TMEM131: variants seen among roughly 807,000 people sequenced by gnomAD.
TMEM131 encodes 2610524E03Rik.
A neutral mutation model predicts 211.6 loss-of-function variants in TMEM131; 66 were observed. The ratio of observed to expected loss-of-function variants is 0.31; its 90% confidence interval spans 0.26 to 0.38. The LOEUF is 0.38. Among genes scored for constraint, TMEM131 ranks in the 10% least tolerant of loss-of-function variants. The pLI is 1.00. For synonymous variants in TMEM131, 844 were observed against 841.3 expected, an observed-to-expected ratio of 1.00 and a Z score of -0.06; for missense variants, 2,036 against 2,299.3, an observed-to-expected ratio of 0.89 and a Z score of 2.34.
intron 25 of TMEM131, among the ~76,000 whole-genome samples, chr2:97,798,090 C>T (rs113238113): frequency 0.018 from 2,738 of 152,376 alleles, 32 homozygotes; most frequent in Admixed American, 0.028. Context: ...CTATACATTT[C>T]TCCTTGAATC....
intron 5 of TMEM131, among the ~76,000 whole-genome samples, chr2:97,856,215 A>G (rs1379903100): frequency 6.6e-6 from 1 of 152,126 alleles, no homozygotes; most frequent in East Asian, 1.9e-4. Context: ...TGGCCTATAT[A>G]TAATATGGCC....
intron 4 of TMEM131, among the ~76,000 whole-genome samples, chr2:97,863,634 G>A (rs1472011523): frequency 6.6e-6 from 1 of 152,130 alleles, no homozygotes. Flanking sequence ...AAATGACAAA[G>A]AGGTATATAA....
At chr2:97,982,181 C>T (rs1447828809) in intron 1 of TMEM131, among the ~76,000 whole-genome samples, 1 of 152,184 alleles carries the variant, frequency 6.6e-6, no homozygotes, top group Non-Finnish European at 1.5e-5. Flanking sequence ...CGCACCCTTG[C>T]CAACATTTAT....
At chr2:97,877,829 T>C (rs969812230) in intron 4 of TMEM131, among the ~76,000 whole-genome samples, 9 of 152,112 alleles carry the variant, frequency 5.9e-5, no homozygotes, top group Non-Finnish European at 1.0e-4. Context: ...CCAAAAGCAA[T>C]GGCAACAAAA....
intron 3 of TMEM131, among the ~76,000 whole-genome samples, chr2:97,892,351 AATG>A (rs1196928284): frequency 5.3e-5 from 8 of 151,968 alleles, no homozygotes; most frequent in African/African-American, 9.7e-5. Context: ...ATGAGGTCGA[AATG>A]ATGATCATTT....
intron 19 of TMEM131, 88 bp downstream of exon 19, chr2:97,809,600 T>G (rs1379341688): frequency 2.3e-6 from 2 of 877,564 alleles, no homozygotes; most frequent in Admixed American, 4.3e-5. Context: ...AAAGAATAAC[T>G]GACTTTACTC....
At chr2:97,802,879 G>T in intron 22 of TMEM131, 89 bp from the exon 23 acceptor site, 1 of 1,169,488 alleles carries the variant, frequency 8.6e-7, no homozygotes, top group South Asian at 1.7e-5. Context: ...ATGTACTTGA[G>T]AAATTTTTTG....
intron 1 of TMEM131, among the ~76,000 whole-genome samples, chr2:97,937,261 TA>T (rs1457554543): frequency 3.9e-5 from 6 of 152,040 alleles, no homozygotes; most frequent in African/African-American, 1.4e-4. Flanking sequence ...ATTCTGGACA[TA>T]AAAGTACAAT....
chr2:97,797,309 T>G, intron 26 of TMEM131, 56 bp downstream of exon 26: 1 of 1,453,060 alleles, frequency 6.9e-7, no homozygotes, highest in Non-Finnish European at 9.3e-7. Flanking sequence ...TTAAAACAAG[T>G]GAGGACTTCT....
At chr2:97,933,590 A>G (rs1356410538) in intron 1 of TMEM131, among the ~76,000 whole-genome samples, 1 of 152,150 alleles carries the variant, frequency 6.6e-6, no homozygotes, top group Non-Finnish European at 1.5e-5. Context: ...AAATAGTTAT[A>G]AATGCTGAAT....
Position 97,944,521 on chromosome 2 carries a change from G to A in TMEM131, c.188-17034C>T, listed in dbSNP as rs148145787. 1.2e-3 allele frequency among the ~76,000 whole-genome samples: 182 copies of A among 152,256 alleles called. 1 individual carries two copies. Among genetic ancestry groups the A allele is most frequent in the African/African-American group, 4.2e-3 (174 of 41,560 alleles). On this transcript the variant is annotated intron_variant, in intron 1 of 40. Transcript: ENST00000186436. ...CTTCAAAGGGCACTATCAATAAAGT[G>A]AAAAGACAACCCACAGGATGGGAGA...
At chr2:97,993,462 A>G (rs540010874) in intron 1 of TMEM131, among the ~76,000 whole-genome samples, 1 of 152,366 alleles carries the variant, frequency 6.6e-6, no homozygotes, top group South Asian at 2.1e-4. Flanking sequence ...CTGGAATATG[A>G]TCAGTTTTAA....
At chr2:97,987,016 C>A (rs748223787) in intron 1 of TMEM131, among the ~76,000 whole-genome samples, 1 of 152,206 alleles carries the variant, frequency 6.6e-6, no homozygotes, top group African/African-American at 2.4e-5. Context: ...CATGTAGGGC[C>A]CTTGCCATAC....
chr2:97,773,159 A>G (rs1272090510), intron 32 of TMEM131, among the ~76,000 whole-genome samples: 1 of 152,236 alleles, frequency 6.6e-6, no homozygotes, highest in African/African-American at 2.4e-5. Flanking sequence ...GCAGTGCGGC[A>G]GCCAAAGGGG....
chr2:97,837,704 CT>C (rs1362277942), intron 7 of TMEM131, among the ~76,000 whole-genome samples: 1 of 152,056 alleles, frequency 6.6e-6, no homozygotes, highest in African/African-American at 2.4e-5. Context: ...CCTAAGCTTA[CT>C]TTTTTTAAAC....
Position 97,814,099 on chromosome 2 carries a change from A to T in TMEM131, c.1489T>A (p.Ser497Thr), listed in dbSNP as rs762695479. The T allele has an allele frequency of 8.7e-6, 14 of 1,607,988 alleles. No homozygotes were observed. The highest frequency in any genetic ancestry group is 3.4e-5 in the Admixed American group (2 of 58,870). Residue 497 changes from serine (S) to threonine (T), a missense_variant, in exon 15 of 41, where the codon TCA (serine) becomes ACA (threonine). Around this residue, in one of 3 missense-constraint regions of TMEM131, gnomAD observed 1,623 missense variants for 1,805.9 expected, o/e 0.90. Transcript: ENST00000186436. ...SKPVLILPNESGYIFTLLFMP... is the reference protein window; with the variant it reads ...SKPVLILPNETGYIFTLLFMP... Reference sequence around the variant, plus strand: ...AAAAGCAGGGTAAAAATGTATCCTGATTCATTAGGAAGAATTAAGACTGGT... The same window carrying T: ...AAAAGCAGGGTAAAAATGTATCCTGTTTCATTAGGAAGAATTAAGACTGGT...
chr2:97,817,955 G>A (rs1324170484), intron 12 of TMEM131, among the ~76,000 whole-genome samples: 1 of 152,156 alleles, frequency 6.6e-6, no homozygotes, highest in Admixed American at 6.5e-5. Flanking sequence ...TTAATTATCT[G>A]TATGGTTAAG....
rs372972227 is a variant in TMEM131 at position 97,772,378 on chromosome 2, T to C, written c.4367A>G (p.Glu1456Gly). The C allele has an allele frequency of 6.8e-6, 11 of 1,609,952 alleles. No individual in the cohort carries two copies. The African/African-American group carries it at 1.5e-4, about 22-fold the overall frequency. The stretch of plus-strand genomic sequence containing the variant: ...TTGCTTCACTTGAGACATTTCACTT[T>C]CATGTTTTTCAGGCATGGCTTGTTT... ...KGKQAMPEKH[E>G]SEMSQVKQKS... Residue 1456 changes from glutamate to glycine, a missense_variant, in exon 33 of 41, where the codon GAA (glutamate) becomes GGA (glycine). Transcript: ENST00000186436.
intron 1 of TMEM131, among the ~76,000 whole-genome samples, chr2:97,965,091 A>T (rs1678993435): frequency 6.6e-6 from 1 of 152,142 alleles, no homozygotes; most frequent in East Asian, 1.9e-4. Context: ...TCGGGGAAAT[A>T]ACACTCCCTT....
Sources: gnomAD v4.1 joint callset for allele counts (sites outside exome capture counted in the v4.1 genomes callset) on GRCh38, gnomAD v4.1.1 for gene constraint, gnomAD v4.1.1 regional missense constraint, MANE v1.5 for transcripts, NCBI Gene and HGNC (gene_info 2026-07-23, HGNC 2026-07-21) for gene names.